The following RAD51B variants were observed in gnomAD, a reference collection of about 807,000 sequenced individuals.
RAD51B encodes DNA repair protein RAD51 homolog 2.
In RAD51B, 38 loss-of-function variants were observed where a neutral mutation model predicts 42.2. The ratio of observed to expected loss-of-function variants is 0.90; its 90% CI spans 0.70 to 1.18. The LOEUF is 1.18. RAD51B is among the 50% of genes most tolerant of loss of function. RAD51B has a pLI of 0.00. For synonymous variants in RAD51B, 154 were observed against 145.2 expected (o/e 1.06, Z -0.43); for missense variants, 373 against 400.7 (o/e 0.93, Z 0.59).
chr14:68,264,791 A>G (rs1160404913), intron 7 of RAD51B, among the ~76,000 whole-genome samples: 1 of 151,630 alleles, frequency 6.6e-6, no homozygotes, highest in Non-Finnish European at 1.5e-5. Flanking sequence ...AGTGGATGGC[A>G]GAGAGAGAGA....
At chr14:68,581,433 C>T (rs1890203982) in intron 10 of RAD51B, among the ~76,000 whole-genome samples, 1 of 152,142 alleles carries the variant, frequency 6.6e-6, no homozygotes, top group Admixed American at 6.5e-5. Flanking sequence ...GGATCCAGTG[C>T]ATTTTCACTG....
At chr14:68,617,173 G>A (rs1004083628) in intron 10 of RAD51B, among the ~76,000 whole-genome samples, 4 of 152,120 alleles carry the variant, frequency 2.6e-5, no homozygotes, top group African/African-American at 7.2e-5. Flanking sequence ...ATTGTTGAAT[G>A]TTTGTATATT....
At position 67,823,412 on chromosome 14, in the gene RAD51B, A is replaced by G. The variant is rs1228022939; in HGVS notation, c.-2-130A>G. On this transcript the variant is annotated intron_variant, in intron 1 of 10. Coordinates refer to ENST00000471583, the MANE Select transcript of RAD51B (RefSeq NM_133510.4). ...CTTTATCAGTAATATTTTTAACACA[A>G]TATGTTTCATTTTGCATATGGAGAA... 9.5e-6 allele frequency: 6 copies of G among 632,964 alleles called. No individual in the cohort carries two copies. The East Asian group carries it at 1.1e-4, about 12-fold the overall frequency. The allele number at this position is 632,964 out of a possible 1,614,324, so 39.2% of individuals were successfully genotyped here. A position where few individuals can be genotyped will look rare whatever the true frequency, so the allele number is the denominator to read the frequency against.
At chr14:68,369,883 G>C (rs1005330366) in intron 8 of RAD51B, among the ~76,000 whole-genome samples, 11 of 152,022 alleles carry the variant, frequency 7.2e-5, no homozygotes, top group Non-Finnish European at 1.0e-4. Context: ...TCTATTTTGT[G>C]CTGCAAAAAC....
intron 7 of RAD51B, among the ~76,000 whole-genome samples, chr14:68,151,823 C>CTTTTTTTTT (rs71129868): frequency 2.5e-5 from 1 of 39,936 alleles, no homozygotes; most frequent in Non-Finnish European, 4.5e-5. Flanking sequence ...GTTATAAAGA[C>CTTTTTTTTT]TTTTTTTTTT....
chr14:67,969,266 C>A (rs2074849088), intron 7 of RAD51B, among the ~76,000 whole-genome samples: 1 of 152,256 alleles, frequency 6.6e-6, no homozygotes, highest in Non-Finnish European at 1.5e-5. Context: ...AAAAATGTTG[C>A]AATTGTTGGT....
chr14:68,060,965 T>G (rs1426587058), intron 7 of RAD51B, among the ~76,000 whole-genome samples: 1 of 152,140 alleles, frequency 6.6e-6, no homozygotes, highest in Non-Finnish European at 1.5e-5. Flanking sequence ...CCATGCTGTC[T>G]TGGTTACTAC....
At chr14:68,425,997 T>A (rs1204887159) in intron 9 of RAD51B, among the ~76,000 whole-genome samples, 1 of 135,056 alleles carries the variant, frequency 7.4e-6, no homozygotes, top group Non-Finnish European at 1.5e-5. Flanking sequence ...CCTTCCTTCC[T>A]TCCTTCCTTC....
chr14:68,676,159 C>T (rs903441726), intron 11 of RAD51B, among the ~76,000 whole-genome samples: 1 of 152,190 alleles, frequency 6.6e-6, no homozygotes, highest in Non-Finnish European at 1.5e-5. Flanking sequence ...TAACTCAACT[C>T]AAACGCATGA....
At chr14:67,851,067 G>A (rs2041788585) in intron 4 of RAD51B, among the ~76,000 whole-genome samples, 1 of 152,150 alleles carries the variant, frequency 6.6e-6, no homozygotes, top group Admixed American at 6.5e-5. Context: ...TCATTTAAGA[G>A]CGGGGTTGGG....
intron 8 of RAD51B, among the ~76,000 whole-genome samples, chr14:68,310,452 C>T (rs1056694218): frequency 5.3e-5 from 8 of 152,140 alleles, no homozygotes; most frequent in Non-Finnish European, 1.2e-4. Flanking sequence ...GATATGATCA[C>T]AACAATATTA....
chr14:67,836,724 C>A (rs1224243012), intron 4 of RAD51B, among the ~76,000 whole-genome samples: 1 of 152,136 alleles, frequency 6.6e-6, no homozygotes, highest in Non-Finnish European at 1.5e-5. Context: ...CTGGGCCTCC[C>A]AAAGTGCTGG....
chr14:68,143,023 G>GA (rs2078163823), intron 7 of RAD51B, among the ~76,000 whole-genome samples: 2 of 151,478 alleles, frequency 1.3e-5, no homozygotes, highest in Admixed American at 6.6e-5. Flanking sequence ...GAGGGGGTGG[G>GA]GGGGGAGTTA....
rs539925370 is a variant in RAD51B, at chr14:68,312,327, C to T, written c.853+20347C>T. ...GGAGCAGAATGTATAACGGATCCAC[C>T]GTTCTGCTTCTCTGCTGTCTTCTAG... On this transcript the variant is annotated intron_variant, in intron 8 of 10. Transcript: ENST00000471583. Among the ~76,000 whole-genome samples the T allele has an allele frequency of 3.0e-4, 46 of 152,298 alleles. 1 individual carries two copies. The highest frequency in any genetic ancestry group is 8.5e-4 in the Admixed American group (13 of 15,302).
chr14:68,200,447 G>A (rs921569808), intron 7 of RAD51B, among the ~76,000 whole-genome samples: 1 of 152,178 alleles, frequency 6.6e-6, no homozygotes, highest in South Asian at 2.1e-4. Flanking sequence ...TGGGAAAAAT[G>A]TGCATAACAT....
intron 8 of RAD51B, among the ~76,000 whole-genome samples, chr14:68,327,335 G>A (rs1245752297): frequency 1.3e-5 from 2 of 151,224 alleles, no homozygotes; most frequent in African/African-American, 2.4e-5. Context: ...TTCCTCCAGA[G>A]CACACAGAGA....
intron 8 of RAD51B, among the ~76,000 whole-genome samples, chr14:68,364,724 G>A (rs906211009): frequency 5.3e-5 from 8 of 152,142 alleles, no homozygotes; most frequent in African/African-American, 1.9e-4. Flanking sequence ...TTGTGTGTGT[G>A]GTTTGTTTTT....
intron 10 of RAD51B, among the ~76,000 whole-genome samples, chr14:68,579,129 G>T (rs2140055223): frequency 6.6e-6 from 1 of 152,230 alleles, no homozygotes; most frequent in South Asian, 2.1e-4. Flanking sequence ...ATTTTCCTTT[G>T]CACACATGGC....
chr14:67,896,974 A>T (rs1258381643), intron 7 of RAD51B, among the ~76,000 whole-genome samples: 2 of 152,216 alleles, frequency 1.3e-5, no homozygotes, highest in African/African-American at 2.4e-5. Context: ...TGACACAGGT[A>T]TCAAGAATAC....
Sources: gnomAD v4.1 joint callset for allele counts (sites outside exome capture counted in the v4.1 genomes callset) on GRCh38, gnomAD v4.1.1 for gene constraint, MANE v1.5 for transcripts, NCBI Gene and HGNC (gene_info 2026-07-23, HGNC 2026-07-21) for gene names.